The following SYNDIG1 variants were observed in gnomAD, a reference collection of about 807,000 sequenced individuals.
SYNDIG1 encodes the protein synapse differentiation inducing 1.
SYNDIG1 carries 9 observed loss-of-function variants against 19.4 expected under a neutral mutation model. The ratio of observed to expected loss-of-function variants is 0.46; its 90% CI spans 0.28 to 0.81. SYNDIG1 has a LOEUF of 0.81. Ranked by LOEUF, SYNDIG1 falls within the 30% of genes least tolerant of loss-of-function variation. The pLI, the probability that SYNDIG1 is intolerant of heterozygous loss-of-function variation, is 0.12. For missense variants in SYNDIG1, 311 were observed against 343.3 expected (o/e 0.91, Z 0.74); for synonymous variants, 141 against 145.9 (o/e 0.97, Z 0.24).
At chr20:24,475,936 C>G (rs912053938) in intron 1 of SYNDIG1, among the ~76,000 whole-genome samples, 4 of 151,446 alleles carry the variant, frequency 2.6e-5, no homozygotes, top group African/African-American at 9.7e-5. Flanking sequence ...TCTCAGCTTA[C>G]TGCAACCTCC....
chr20:24,492,323 T>C (rs994834435), intron 1 of SYNDIG1, among the ~76,000 whole-genome samples: 2 of 152,058 alleles, frequency 1.3e-5, no homozygotes, highest in Non-Finnish European at 2.9e-5. Flanking sequence ...TGCTAAGGGG[T>C]GGCTAGGAGA....
At chr20:24,614,526 A>T (rs2058898892) in intron 3 of SYNDIG1, among the ~76,000 whole-genome samples, 1 of 150,670 alleles carries the variant, frequency 6.6e-6, no homozygotes, top group Non-Finnish European at 1.5e-5. Flanking sequence ...ACTAACCTAA[A>T]GTTGCTAATT....
chr20:24,629,052 A>C (rs918082348), intron 3 of SYNDIG1, among the ~76,000 whole-genome samples: 4 of 152,200 alleles, frequency 2.6e-5, no homozygotes, highest in African/African-American at 9.6e-5. Context: ...GCCCCATGCA[A>C]ATGGCTTTGT....
chr20:24,567,905 A>G (rs1366711131), intron 2 of SYNDIG1, among the ~76,000 whole-genome samples: 1 of 152,214 alleles, frequency 6.6e-6, no homozygotes, highest in Non-Finnish European at 1.5e-5. Flanking sequence ...AGGCCAAGAC[A>G]GGAGGATCAT....
intron 1 of SYNDIG1, among the ~76,000 whole-genome samples, chr20:24,489,973 A>G (rs1418553392): frequency 1.3e-5 from 2 of 152,214 alleles, no homozygotes; most frequent in Non-Finnish European, 2.9e-5. Context: ...TGAGGGTGCC[A>G]TCTGTGTGTG....
At chr20:24,494,138 G>A (rs531614261) in intron 1 of SYNDIG1, among the ~76,000 whole-genome samples, 1 of 152,270 alleles carries the variant, frequency 6.6e-6, no homozygotes, top group Admixed American at 6.5e-5. Flanking sequence ...ACAGGGGCAG[G>A]GAAGAGGGCC....
chr20:24,608,193 A>AT (rs11481343), intron 3 of SYNDIG1, among the ~76,000 whole-genome samples: 40,622 of 147,674 alleles, frequency 0.28, 6,466 homozygotes, highest in African/African-American at 0.44. Context: ...ATTATCTCCT[A>AT]TTTTTTTTTT....
At chr20:24,588,838 A>C (rs1380347057) in intron 3 of SYNDIG1, among the ~76,000 whole-genome samples, 1 of 152,086 alleles carries the variant, frequency 6.6e-6, no homozygotes, top group Non-Finnish European at 1.5e-5. Context: ...ATCAGGGTTC[A>C]GTGAGATTGA....
chr20:24,618,542 G>C (rs188652548), intron 3 of SYNDIG1, among the ~76,000 whole-genome samples: 1 of 152,134 alleles, frequency 6.6e-6, no homozygotes, highest in African/African-American at 2.4e-5. Context: ...AACCCAAAGG[G>C]GTATTCTCCT....
intron 1 of SYNDIG1, among the ~76,000 whole-genome samples, chr20:24,481,199 A>G (rs780231444): frequency 4.6e-5 from 7 of 152,210 alleles, no homozygotes; most frequent in Non-Finnish European, 8.8e-5. Context: ...TTAACAGGCT[A>G]TTCTGATCTA....
At chr20:24,592,468 G>A (rs191883500) in intron 3 of SYNDIG1, among the ~76,000 whole-genome samples, 23 of 152,240 alleles carry the variant, frequency 1.5e-4, no homozygotes, top group Admixed American at 3.9e-4. Context: ...GGGGACATGG[G>A]TTCCTCCCAG....
intron 2 of SYNDIG1, among the ~76,000 whole-genome samples, chr20:24,577,986 C>T (rs2058256892): frequency 6.6e-6 from 1 of 152,352 alleles, no homozygotes; most frequent in South Asian, 2.1e-4. Context: ...GTAGGGGCTT[C>T]ACCACTTTAG....
At chr20:24,664,452 C>T (rs551304248) in intron 3 of SYNDIG1, among the ~76,000 whole-genome samples, 22 of 152,102 alleles carry the variant, frequency 1.4e-4, no homozygotes, top group Non-Finnish European at 2.9e-4. Context: ...ACAGGGGGCC[C>T]GCGGGTGGCT....
intron 2 of SYNDIG1, among the ~76,000 whole-genome samples, chr20:24,547,087 G>A (rs964261806): frequency 1.1e-4 from 16 of 151,830 alleles, no homozygotes; most frequent in African/African-American, 3.4e-4. Context: ...CCATTGCCCT[G>A]GTTCAGAGTG....
chr20:24,584,159 C>T (rs1431238501), intron 2 of SYNDIG1, among the ~76,000 whole-genome samples: 1 of 152,206 alleles, frequency 6.6e-6, no homozygotes, highest in African/African-American at 2.4e-5. Context: ...GCCACCAGGC[C>T]ACAGAGCAGA....
Position 24,584,908 on chromosome 20 carries a change from C to T in SYNDIG1, c.533C>T (p.Pro178Leu), listed in dbSNP as rs370632952. Residue 178 changes from proline (P) to leucine (L), a missense_variant, in exon 3 of 4, where the codon CCG becomes CTG. Transcript: ENST00000376862. ...ESEDNFLMMPPRDHLGLSVFS... is the reference protein window; with the variant it reads ...ESEDNFLMMPLRDHLGLSVFS... ...GAGGACAATTTCCTCATGATGCCCC[C>T]GCGGGACCACCTGGGCCTCAGTGTC... 1.6e-5 allele frequency: 26 copies of T among 1,614,022 alleles called. No individual in the cohort carries two copies. Among genetic ancestry groups the T allele is most frequent in the Admixed American group, 3.3e-5 (2 of 60,002 alleles).
chr20:24,623,975 C>T (rs74668101), intron 3 of SYNDIG1, among the ~76,000 whole-genome samples: 1 of 152,072 alleles, frequency 6.6e-6, no homozygotes, highest in Non-Finnish European at 1.5e-5. Flanking sequence ...AAAATGAGAC[C>T]CAACTGGCTG....
intron 1 of SYNDIG1, among the ~76,000 whole-genome samples, chr20:24,504,553 T>A (rs2146407801): frequency 6.6e-6 from 1 of 152,270 alleles, no homozygotes; most frequent in South Asian, 2.1e-4. Context: ...GCTCGGAGGC[T>A]GCCTGGGGGC....
intron 1 of SYNDIG1, among the ~76,000 whole-genome samples, chr20:24,534,972 T>C (rs1302063904): frequency 6.6e-6 from 1 of 152,206 alleles, no homozygotes; most frequent in East Asian, 1.9e-4. Context: ...AGCTGGAGTA[T>C]TATTTTGTCA....
Sources: allele counts gnomAD v4.1 joint callset (sites outside exome capture counted in the v4.1 genomes callset), GRCh38; gene constraint gnomAD v4.1.1; transcripts MANE v1.5; gene names NCBI Gene and HGNC (gene_info 2026-07-23, HGNC 2026-07-21).